Variants in RBFOX3 observed in about 807,000 individuals in gnomAD.
RBFOX3 encodes the protein RNA binding protein fox-1 homolog 3.
RBFOX3 carries 17 observed loss-of-function variants against 48.7 expected under a neutral mutation model. That is an observed-to-expected ratio of 0.35 (90% CI 0.24 to 0.52). The LOEUF is 0.52. Ranked by LOEUF, RBFOX3 falls within the 20% of genes least tolerant of loss-of-function variation. The pLI, the probability that RBFOX3 is intolerant of heterozygous loss-of-function variation, is 0.94. For missense variants in RBFOX3, 382 were observed against 497.5 expected (o/e 0.77, Z 2.21); for synonymous variants, 212 against 209.5 (o/e 1.01, Z -0.10).
chr17:79,248,638 G>C (rs746872499), intron 3 of RBFOX3, among the ~76,000 whole-genome samples: 2 of 152,234 alleles, frequency 1.3e-5, no homozygotes, highest in Non-Finnish European at 2.9e-5. Context: ...GCCTGTGCTT[G>C]GTGTCCCCCA....
chr17:79,591,932 G>GTGTGCAT (rs1369682830), intron 1 of RBFOX3, among the ~76,000 whole-genome samples: 4 of 144,736 alleles, frequency 2.8e-5, no homozygotes, highest in African/African-American at 1.1e-4. Context: ...TGTGTGGAGG[G>GTGTGCAT]GTGTGCATGT....
chr17:79,517,936 G>C (rs965791587), intron 1 of RBFOX3, among the ~76,000 whole-genome samples: 95 of 152,256 alleles, frequency 6.2e-4, no homozygotes, highest in African/African-American at 2.3e-3. Context: ...ACCCGGTATT[G>C]ATCCTGAAGT....
Position 79,361,854 on chromosome 17 carries a change from C to T in RBFOX3, c.-174-54030G>A, listed in dbSNP as rs182197569. 2.2e-3 allele frequency among the ~76,000 whole-genome samples: 328 copies of T among 152,316 alleles called. 6 individuals are homozygous for T. Among genetic ancestry groups the T allele is most frequent in the Non-Finnish European group, 1.3e-4 (9 of 68,034 alleles). The stretch of plus-strand genomic sequence containing the variant: ...GATTTAGTCATTTTTATATGGCTCA[C>T]AAGGCATAGGCAGATTTCTCTGTTT... On this transcript the variant is annotated intron_variant, in intron 2 of 14. Transcript: ENST00000693108. The surrounding 1 kb of genome is among the most constrained non-coding windows in gnomAD (Gnocchi z 4.5).
chr17:79,438,537 C>T (rs2070091766), intron 2 of RBFOX3, among the ~76,000 whole-genome samples: 1 of 152,246 alleles, frequency 6.6e-6, no homozygotes, highest in South Asian at 2.1e-4. Flanking sequence ...CATTCGCCCT[C>T]ACGATAGCGG....
At chr17:79,437,190 G>A (rs1452260460) in intron 2 of RBFOX3, among the ~76,000 whole-genome samples, 1 of 152,138 alleles carries the variant, frequency 6.6e-6, no homozygotes, top group Non-Finnish European at 1.5e-5. Flanking sequence ...TCACCCCCCA[G>A]GAGCCCCCCT....
rs1448409125 is a variant in RBFOX3, at chr17:79,477,908, A to AT, written c.-175+4545_-175+4546insA. ...TAAGATGCCCCTGTAGGAAGGAGAG[A>AT]CCCCAGCAACGTCCTTCAGCTGGGC... On this transcript the variant is annotated intron_variant, in intron 2 of 14. Transcript: ENST00000693108. This position sits in a 1 kb window ranked among gnomAD's most constrained non-coding sequence, Gnocchi z 4.8. Among the ~76,000 whole-genome samples the AT allele has an allele frequency of 5.3e-5, 8 of 152,118 alleles. No homozygotes were observed. Among genetic ancestry groups the AT allele is most frequent in the Non-Finnish European group, 1.2e-4 (8 of 68,014 alleles).
At chr17:79,190,414 C>CAAAAAAAAAA (rs71161650) in intron 4 of RBFOX3, among the ~76,000 whole-genome samples, 6 of 93,518 alleles carry the variant, frequency 6.4e-5, no homozygotes, top group Admixed American at 1.1e-4. Context: ...TCTGTCTCAC[C>CAAAAAAAAAA]AAAAAAAAAA....
chr17:79,164,347 C>T (rs903666651), intron 4 of RBFOX3, among the ~76,000 whole-genome samples: 4 of 152,178 alleles, frequency 2.6e-5, no homozygotes, highest in Non-Finnish European at 4.4e-5. Context: ...GTGCTGAGCT[C>T]GTGGGGTCAT....
At chr17:79,339,150 G>A (rs1468433412) in intron 2 of RBFOX3, among the ~76,000 whole-genome samples, 11 of 151,886 alleles carry the variant, frequency 7.2e-5, no homozygotes, top group Admixed American at 7.2e-4. Flanking sequence ...GATCTTCCAG[G>A]CTCAAGCAAT....
In RBFOX3 at chr17:79,211,662, T is replaced by A. The variant is rs117194316; in HGVS notation, c.-34+24104A>T. On this transcript the variant is annotated intron_variant, in intron 4 of 14. Transcript: ENST00000693108. Reference sequence around the variant, plus strand: ...GGACAGACAGGGAGGCAGCTGCAGATACCCCAAGGTCAGAGTCCCAGGCTC... The same window carrying A: ...GGACAGACAGGGAGGCAGCTGCAGAAACCCCAAGGTCAGAGTCCCAGGCTC... 4.3e-3 allele frequency among the ~76,000 whole-genome samples: 655 copies of A among 152,240 alleles called. 4 individuals are homozygous for A. Among genetic ancestry groups the A allele is most frequent in the Non-Finnish European group, 7.5e-3 (510 of 68,006 alleles).
chr17:79,320,687 G>A (rs540855762), intron 2 of RBFOX3, among the ~76,000 whole-genome samples: 44 of 151,502 alleles, frequency 2.9e-4, no homozygotes, highest in Non-Finnish European at 4.9e-4. Flanking sequence ...CCCTCTGGGC[G>A]TTGCCAATAG....
In RBFOX3 at chr17:79,126,277, G is replaced by C. The variant is rs150830321; in HGVS notation, c.-33-10529C>G. Among the ~76,000 whole-genome samples the C allele has an allele frequency of 4.6e-3, 701 of 152,338 alleles. 5 individuals are homozygous for C. The highest frequency in any genetic ancestry group is 0.016 in the African/African-American group (666 of 41,564). On this transcript the variant is annotated intron_variant, in intron 4 of 14. Transcript: ENST00000693108. ...TGATGGGGACCAGAACAGGACAGACGGATGTCCACTTCCAGAGTCTGGGGT... is the reference window on the plus strand; with the variant it reads ...TGATGGGGACCAGAACAGGACAGACCGATGTCCACTTCCAGAGTCTGGGGT...
the RBFOX3 span, among the ~76,000 whole-genome samples, chr17:79,663,399 A>T: frequency 1.3e-5 from 2 of 152,208 alleles, no homozygotes; most frequent in South Asian, 4.1e-4. Flanking sequence ...CACTTAGAGA[A>T]GAATTCGTTT....
At chr17:79,655,466 A>C in the RBFOX3 span, among the ~76,000 whole-genome samples, 1 of 152,272 alleles carries the variant, frequency 6.6e-6, no homozygotes, top group Non-Finnish European at 1.5e-5. Flanking sequence ...CTATGTGTCC[A>C]AACCCTTTAT....
chr17:79,568,456 A>G (rs1294760789), intron 1 of RBFOX3, among the ~76,000 whole-genome samples: 1 of 152,126 alleles, frequency 6.6e-6, no homozygotes, highest in East Asian at 1.9e-4. Flanking sequence ...TAAAGCAAAT[A>G]TTCCAAAATA....
chr17:79,566,437 G>T (rs2092458079), intron 1 of RBFOX3, among the ~76,000 whole-genome samples: 1 of 152,180 alleles, frequency 6.6e-6, no homozygotes, highest in East Asian at 1.9e-4. Context: ...AGGAAAACTG[G>T]TAAGACCAGC....
chr17:79,583,946 G>T (rs2093158637), intron 1 of RBFOX3, among the ~76,000 whole-genome samples: 1 of 152,116 alleles, frequency 6.6e-6, no homozygotes, highest in South Asian at 2.1e-4. Flanking sequence ...CATGGCGGGG[G>T]ATGGAGAGCA....
intron 1 of RBFOX3, among the ~76,000 whole-genome samples, chr17:79,533,510 G>A (rs76119065): frequency 8.5e-5 from 13 of 152,380 alleles, no homozygotes; most frequent in African/African-American, 2.6e-4. Flanking sequence ...TCTCCTGGCC[G>A]ACTGGGGGAG....
the RBFOX3 span, among the ~76,000 whole-genome samples, chr17:79,630,780 T>A: frequency 2.0e-5 from 3 of 152,214 alleles, no homozygotes. Flanking sequence ...GTGTATTTTC[T>A]CGTTTAACCC....
Sources: gnomAD v4.1 joint callset for allele counts (sites outside exome capture counted in the v4.1 genomes callset) on GRCh38, gnomAD v4.1.1 for gene constraint, Gnocchi (gnomAD v3.1) non-coding constraint, MANE v1.5 for transcripts, NCBI Gene and HGNC (gene_info 2026-07-23, HGNC 2026-07-21) for gene names.